The following GRIA2 variants were observed in gnomAD, a reference collection of about 807,000 sequenced individuals.
GRIA2 encodes glutamate receptor 2.
GRIA2 carries 14 observed loss-of-function variants against 97.3 expected under a neutral mutation model. That is an observed-to-expected ratio of 0.14 (90% CI 0.10 to 0.23). The LOEUF is 0.23. Among genes scored for constraint, GRIA2 ranks in the 10% least tolerant of loss-of-function variants. GRIA2 has a pLI of 1.00. For synonymous variants in GRIA2, 412 were observed against 387.8 expected, an observed-to-expected ratio of 1.06 and a Z score of -0.73; for missense variants, 558 against 1,069.8, an observed-to-expected ratio of 0.52 and a Z score of 6.67.
chr4:157,235,643 G>A (rs1395176595), intron 2 of GRIA2, among the ~76,000 whole-genome samples: 1 of 151,982 alleles, frequency 6.6e-6, no homozygotes, highest in Non-Finnish European at 1.5e-5. Flanking sequence ...TACTACTGCT[G>A]TTAACAAACT....
At chr4:157,344,654 A>G (rs1345596934) in intron 12 of GRIA2, among the ~76,000 whole-genome samples, 3 of 152,050 alleles carry the variant, frequency 2.0e-5, no homozygotes, top group Non-Finnish European at 2.9e-5. Context: ...GCCTTTAGTG[A>G]TAGCTTTTTC....
chr4:157,320,879 A>AT (rs910224562), intron 5 of GRIA2, among the ~76,000 whole-genome samples: 6 of 151,884 alleles, frequency 4.0e-5, no homozygotes, highest in Non-Finnish European at 7.4e-5. Context: ...CACAAGATAA[A>AT]TTTTTTTTTA....
intron 2 of GRIA2, among the ~76,000 whole-genome samples, chr4:157,290,960 C>G (rs143335268): frequency 7.4e-4 from 113 of 151,988 alleles, no homozygotes; most frequent in African/African-American, 2.4e-3. Flanking sequence ...GATTTATATA[C>G]AGAAGTGCAT....
chr4:157,275,069 G>A (rs1429673955), intron 2 of GRIA2, among the ~76,000 whole-genome samples: 3 of 152,170 alleles, frequency 2.0e-5, no homozygotes, highest in Middle Eastern at 6.8e-3. Flanking sequence ...TCTAACTGGT[G>A]TGAGATGGTA....
intron 2 of GRIA2, among the ~76,000 whole-genome samples, chr4:157,297,964 G>T (rs1433152650): frequency 2.0e-5 from 3 of 151,988 alleles, no homozygotes. Context: ...CTAGGGTGAT[G>T]ATGAAAGTTT....
chr4:157,245,412 T>C (rs1031349392), intron 2 of GRIA2, among the ~76,000 whole-genome samples: 2 of 152,112 alleles, frequency 1.3e-5, no homozygotes, highest in African/African-American at 4.8e-5. Context: ...TTCAAAGGAA[T>C]AGAGTCCAAC....
chr4:157,250,849 T>C (rs1042602940), intron 2 of GRIA2, among the ~76,000 whole-genome samples: 1 of 152,098 alleles, frequency 6.6e-6, no homozygotes, highest in Non-Finnish European at 1.5e-5. Flanking sequence ...ACATACTTCA[T>C]GATCCCAGGG....
At chr4:157,288,056 T>G (rs56049677) in intron 2 of GRIA2, among the ~76,000 whole-genome samples, 11,163 of 151,756 alleles carry the variant, frequency 0.074, 528 homozygotes, top group Non-Finnish European at 0.1. Flanking sequence ...TAATAAAGTA[T>G]TATACATTTT....
chr4:157,266,841 T>C (rs1411784071), intron 2 of GRIA2, among the ~76,000 whole-genome samples: 1 of 151,912 alleles, frequency 6.6e-6, no homozygotes, highest in East Asian at 1.9e-4. Flanking sequence ...GGCGGATTGC[T>C]TGAGGCCAGG....
chr4:157,263,198 TC>T (rs1194349006), intron 2 of GRIA2, among the ~76,000 whole-genome samples: 1 of 152,120 alleles, frequency 6.6e-6, no homozygotes, highest in Non-Finnish European at 1.5e-5. Flanking sequence ...CCTTGTTTTT[TC>T]CAAGGCATTC....
chr4:157,242,716 C>T (rs1025617249), intron 2 of GRIA2, among the ~76,000 whole-genome samples: 2 of 152,022 alleles, frequency 1.3e-5, no homozygotes, highest in Non-Finnish European at 2.9e-5. Flanking sequence ...TTCCTGTGAG[C>T]CTCTCATTAC....
chr4:157,223,813 T>G (rs2126674854), intron 2 of GRIA2, among the ~76,000 whole-genome samples: 1 of 152,354 alleles, frequency 6.6e-6, no homozygotes, highest in Non-Finnish European at 1.5e-5. Context: ...AAGAACTTTC[T>G]GCAAAAATAA....
chr4:157,287,694 G>A (rs994436888), intron 2 of GRIA2, among the ~76,000 whole-genome samples: 5 of 151,436 alleles, frequency 3.3e-5, no homozygotes, highest in African/African-American at 9.7e-5. Context: ...GAGCAGAGTC[G>A]AGTAAGAGAT....
intron 2 of GRIA2, among the ~76,000 whole-genome samples, chr4:157,286,424 G>A (rs926373688): frequency 6.6e-6 from 1 of 151,298 alleles, no homozygotes; most frequent in Non-Finnish European, 1.5e-5. Flanking sequence ...AACAAATTAT[G>A]ACACTTACAT....
intron 12 of GRIA2, among the ~76,000 whole-genome samples, chr4:157,343,387 A>G (rs898612040): frequency 1.3e-5 from 2 of 152,074 alleles, no homozygotes; most frequent in Non-Finnish European, 2.9e-5. Context: ...CATGCAACTA[A>G]TAAGTATGCT....
chr4:157,330,132 T>C (rs1251893147), intron 6 of GRIA2, among the ~76,000 whole-genome samples: 3 of 151,986 alleles, frequency 2.0e-5, no homozygotes, highest in Non-Finnish European at 4.4e-5. Context: ...TCAACGCTCT[T>C]GTAACATAGA....
At chr4:157,335,954 G>A in intron 10 of GRIA2, 77 bp downstream of exon 10, 1 of 913,086 alleles carries the variant, frequency 1.1e-6, no homozygotes, top group Non-Finnish European at 1.8e-6. Context: ...TCCCTGTGAA[G>A]TATCTATATC....
At chr4:157,325,338 T>C (rs1734756703) in intron 6 of GRIA2, among the ~76,000 whole-genome samples, 1 of 152,194 alleles carries the variant, frequency 6.6e-6, no homozygotes, top group Non-Finnish European at 1.5e-5. Flanking sequence ...ACTAAAGTCA[T>C]GGCACTGAGA....
In GRIA2 at chr4:157,241,360, T is replaced by C. The variant is rs72962820; in HGVS notation, c.229+19553T>C. On this transcript the variant is annotated intron_variant, in intron 2 of 15. Coordinates refer to ENST00000264426, the MANE Select transcript of GRIA2 (RefSeq NM_001083619.3). Reference sequence around the variant, plus strand: ...TCAGGATTTTATCATTAGTCCTACCTAAAAATTCACAGTGATGTATCTAAA... The same window carrying C: ...TCAGGATTTTATCATTAGTCCTACCCAAAAATTCACAGTGATGTATCTAAA... 8.2e-3 allele frequency among the ~76,000 whole-genome samples: 1,247 copies of C among 152,222 alleles called. 13 individuals are homozygous for C. The highest frequency in any genetic ancestry group is 0.029 in the African/African-American group (1,187 of 41,554).
Sources: allele counts gnomAD v4.1 joint callset (sites outside exome capture counted in the v4.1 genomes callset), GRCh38; gene constraint gnomAD v4.1.1; transcripts MANE v1.5; gene names NCBI Gene and HGNC (gene_info 2026-07-23, HGNC 2026-07-21).